The following UGGT2 variants were observed in gnomAD, a reference collection of about 807,000 sequenced individuals.
The protein encoded by UGGT2 is UDP-glucose glycoprotein glucosyltransferase 2, also known as UDP-glucose:glycoprotein glucosyltransferase 2.
In UGGT2, 180 loss-of-function variants were observed where a neutral mutation model predicts 192.1. The observed-to-expected ratio is 0.94, with a 90% CI of 0.83 to 1.06. The LOEUF is 1.06. Ranked by LOEUF, UGGT2 falls within the 50% of genes least tolerant of loss-of-function variation. UGGT2 has a pLI of 0.00. For synonymous variants in UGGT2, 580 were observed against 591.0 expected (o/e 0.98, Z 0.27); for missense variants, 1,849 against 1,795.7 (o/e 1.03, Z -0.54).
At chr13:95,932,803 G>A (rs1343949652) in intron 17 of UGGT2, among the ~76,000 whole-genome samples, 2 of 152,130 alleles carry the variant, frequency 1.3e-5, no homozygotes, top group African/African-American at 4.8e-5. Flanking sequence ...ATGAAGGGAT[G>A]TTTGATTTTA....
chr13:95,951,901 T>C (rs2050074454), intron 12 of UGGT2, among the ~76,000 whole-genome samples: 2 of 151,768 alleles, frequency 1.3e-5, no homozygotes, highest in Non-Finnish European at 2.9e-5. Context: ...CTACTAAAAA[T>C]ACAAAAATTA....
At chr13:95,817,483 C>T (rs961852950) in intron 38 of UGGT2, among the ~76,000 whole-genome samples, 5 of 151,992 alleles carry the variant, frequency 3.3e-5, no homozygotes, top group Admixed American at 1.3e-4. Flanking sequence ...ACTTGGGAGG[C>T]TGAGTGGCAG....
intron 24 of UGGT2, among the ~76,000 whole-genome samples, chr13:95,892,306 G>C (rs866188753): frequency 4.6e-5 from 7 of 152,056 alleles, no homozygotes; most frequent in Non-Finnish European, 8.8e-5. Flanking sequence ...CCCACTAGTA[G>C]ATAGTACACT....
chr13:95,888,882 T>C lies in UGGT2; in HGVS notation c.2959-911A>G, dbSNP rs1299045473. Among the ~76,000 whole-genome samples the C allele has an allele frequency of 3.9e-5, 6 of 152,170 alleles. No individual in the cohort carries two copies. The East Asian group carries it at 7.7e-4, about 20-fold the overall frequency. On this transcript the variant is annotated intron_variant, in intron 25 of 38. Transcript: ENST00000376747. ...AGGCTAGACTGCAGTGGTGTGATCA[T>C]AGGTCACTGTTAACTTCAAATTCCT...
chr13:95,982,015 T>C (rs969827312), intron 10 of UGGT2, among the ~76,000 whole-genome samples: 1 of 152,232 alleles, frequency 6.6e-6, no homozygotes, highest in African/African-American at 2.4e-5. Flanking sequence ...AGTGTCATGA[T>C]TATTTAGTTT....
chr13:95,845,773 C>G (rs370884542), intron 36 of UGGT2, among the ~76,000 whole-genome samples: 1 of 151,300 alleles, frequency 6.6e-6, no homozygotes, highest in Non-Finnish European at 1.5e-5. Flanking sequence ...CCTCAGTTCC[C>G]AGACGGGGTC....
At chr13:95,962,958 G>C (rs1566762843) in intron 12 of UGGT2, among the ~76,000 whole-genome samples, 1 of 152,060 alleles carries the variant, frequency 6.6e-6, no homozygotes, top group African/African-American at 2.4e-5. Flanking sequence ...AGCTTGCTCA[G>C]GGAAACTCTC....
At chr13:95,989,276 TATC>T (rs1430929514) in intron 8 of UGGT2, among the ~76,000 whole-genome samples, 1 of 152,164 alleles carries the variant, frequency 6.6e-6, no homozygotes, top group Non-Finnish European at 1.5e-5. Context: ...AAATAATCTA[TATC>T]ATCTGAGATA....
chr13:96,043,092 G>C (rs1276230116), intron 1 of UGGT2, among the ~76,000 whole-genome samples: 1 of 152,144 alleles, frequency 6.6e-6, no homozygotes, highest in Non-Finnish European at 1.5e-5. Flanking sequence ...ATGAAGGAAA[G>C]AATCTTAAGA....
At chr13:95,990,230 A>T in intron 7 of UGGT2, 157 bp from the exon 8 acceptor site, 1 of 430,014 alleles carries the variant, frequency 2.3e-6, no homozygotes, top group East Asian at 3.7e-5. Context: ...ATATTCACGG[A>T]ACTTAAAAAT....
rs146034454 is a variant in UGGT2 at position 95,860,835 on chromosome 13, T to C, written c.3693A>G (p.Leu1231=). 1.9e-4 allele frequency: 304 copies of C among 1,571,550 alleles called. 1 individual carries two copies. In the African/African-American group the frequency reaches 3.4e-3, roughly 17 times the overall value. The change falls in exon 32 of 39, where the codon CTA becomes CTG. Residue 1231 remains leucine (L), a synonymous_variant. Coordinates refer to ENST00000376747, the MANE Select transcript of UGGT2 (RefSeq NM_020121.4). ...HKENKKEKDV[L]NIFSVASGHL... ...GACCAGAAGCAACTGAAAAAATGTT[T>C]AGGACATCTTTTTCCTTTTTGTTTT...
At position 95,854,187 on chromosome 13, in the gene UGGT2, G is replaced by A; in HGVS notation, c.4169+128C>T. The A allele has an allele frequency of 3.2e-6, 3 of 948,970 alleles. No homozygotes were observed. The South Asian group carries it at 5.5e-5, about 18-fold the overall frequency. The allele number at this position is 948,970 out of a possible 1,614,324, so 58.8% of individuals were successfully genotyped here. On this transcript the variant is annotated intron_variant, in intron 35 of 38. Coordinates refer to ENST00000376747, the MANE Select transcript of UGGT2 (RefSeq NM_020121.4). Reference sequence around the variant, plus strand: ...CTTACAAGAGTGACTGGCATGAAATGAACACTATGTAATTGGTTGCTTTTA... The same window carrying A: ...CTTACAAGAGTGACTGGCATGAAATAAACACTATGTAATTGGTTGCTTTTA...
chr13:95,949,304 T>G (rs368557695), intron 13 of UGGT2, 31 bp downstream of exon 13: 6 of 1,459,002 alleles, frequency 4.1e-6, no homozygotes, highest in Non-Finnish European at 5.5e-6. Flanking sequence ...CTTTATAAGA[T>G]ATATATGTAT....
At chr13:95,933,386 T>A (rs1373256759) in intron 17 of UGGT2, among the ~76,000 whole-genome samples, 1 of 152,184 alleles carries the variant, frequency 6.6e-6, no homozygotes, top group Non-Finnish European at 1.5e-5. Context: ...TCTTCTGTAT[T>A]TCTATGGGAT....
chr13:95,888,807 T>C (rs1028507161), intron 25 of UGGT2, among the ~76,000 whole-genome samples: 4 of 150,210 alleles, frequency 2.7e-5, no homozygotes, highest in African/African-American at 9.8e-5. Context: ...TTTATATCTC[T>C]GTATAATTCC....
chr13:95,990,105 C>T lies in UGGT2; in HGVS notation c.831-32G>A, dbSNP rs761582428. The T allele has an allele frequency of 3.5e-6, 5 of 1,424,362 alleles. No homozygotes were observed. In the East Asian group the frequency reaches 9.4e-5, roughly 27 times the overall value. 88.2% of individuals were successfully genotyped at this position (1,424,362 alleles called of 1,614,324 possible). On this transcript the variant is annotated intron_variant, in intron 7 of 38. Coordinates refer to ENST00000376747, the MANE Select transcript of UGGT2 (RefSeq NM_020121.4). ...CAAAATATTAAGTGATGTTAAGTAG[C>T]ATCACCTATCACAAACCATTATACA...
intron 20 of UGGT2, among the ~76,000 whole-genome samples, chr13:95,917,292 C>A (rs1015395848): frequency 6.6e-6 from 1 of 151,680 alleles, no homozygotes; most frequent in Admixed American, 6.6e-5. Flanking sequence ...AAAGAATTCC[C>A]AAAAAAAAGA....
intron 8 of UGGT2, among the ~76,000 whole-genome samples, chr13:95,987,818 G>A (rs1025105312): frequency 3.3e-5 from 5 of 152,044 alleles, no homozygotes; most frequent in Non-Finnish European, 7.4e-5. Flanking sequence ...CAGAGAAGAG[G>A]ACTGCATACT....
chr13:95,974,530 G>A (rs1378877471), intron 10 of UGGT2, among the ~76,000 whole-genome samples: 1 of 152,206 alleles, frequency 6.6e-6, no homozygotes. Flanking sequence ...ACAGGTAACA[G>A]ACTGAACTCA....
Sources: allele counts gnomAD v4.1 joint callset (sites outside exome capture counted in the v4.1 genomes callset), GRCh38; gene constraint gnomAD v4.1.1; transcripts MANE v1.5; gene names NCBI Gene and HGNC (gene_info 2026-07-23, HGNC 2026-07-21).